Variants in PKD1L3 observed in about 807,000 individuals in gnomAD.
PKD1L3 encodes polycystin-1-like protein 3.
PKD1L3 carries 239 observed loss-of-function variants against 184.1 expected under a neutral mutation model. The ratio of observed to expected loss-of-function variants is 1.30; its 90% CI spans 1.17 to 1.45. The LOEUF is 1.45. Ranked by LOEUF, PKD1L3 falls within the 40% of genes most tolerant of loss-of-function variation. The pLI, the probability that PKD1L3 is intolerant of heterozygous loss-of-function variation, is 0.00. For missense variants in PKD1L3, 2,660 were observed against 2,067.2 expected, an observed-to-expected ratio of 1.29 and a Z score of -5.56; for synonymous variants, 996 against 778.8, an observed-to-expected ratio of 1.28 and a Z score of -4.64.
Position 71,949,676 on chromosome 16 carries a change from TG to T in PKD1L3, c.3618+106del. 7 of 1,056,468 alleles carry T rather than the reference TG, an allele frequency of 6.6e-6. No homozygotes were observed. In the South Asian group the frequency reaches 1.1e-4, roughly 17 times the overall value. 65.4% of individuals were successfully genotyped at this position (1,056,468 alleles called of 1,614,324 possible). A position where few individuals can be genotyped will look rare whatever the true frequency, so the allele number is the denominator to read the frequency against. The stretch of plus-strand genomic sequence containing the variant: ...CCTGGTTTGCCTATTTGTTTTTTGT[TG>T]TTTATGTTACATTGTCAAAACCACT... On this transcript the variant is annotated intron_variant, in intron 21 of 29. Transcript: ENST00000620267.
intron 12 of PKD1L3, among the ~76,000 whole-genome samples, chr16:71,972,615 T>G (rs1042379404): frequency 1.2e-4 from 18 of 149,640 alleles, no homozygotes; most frequent in African/African-American, 4.4e-4. Flanking sequence ...GCCCAGGAGG[T>G]TGAGGCTGCA....
At chr16:71,976,626 G>GA (rs926373098) in intron 11 of PKD1L3, among the ~76,000 whole-genome samples, 2 of 151,654 alleles carry the variant, frequency 1.3e-5, no homozygotes, top group African/African-American at 4.8e-5. Flanking sequence ...TTTTAAAAAA[G>GA]AAAAAAAAGT....
intron 2 of PKD1L3, among the ~76,000 whole-genome samples, chr16:71,995,644 G>A (rs1273106877): frequency 1.3e-5 from 2 of 152,174 alleles, no homozygotes; most frequent in East Asian, 3.8e-4. Context: ...CCCTCTTGAT[G>A]GGCATGTGGA....
chr16:71,956,795 G>T (rs2039066748), intron 16 of PKD1L3, among the ~76,000 whole-genome samples: 1 of 152,172 alleles, frequency 6.6e-6, no homozygotes, highest in Non-Finnish European at 1.5e-5. Flanking sequence ...TAAAAATGGT[G>T]AAGATGGTAA....
intron 28 of PKD1L3, among the ~76,000 whole-genome samples, 194 bp downstream of exon 28, chr16:71,933,226 G>A (rs1474931021): frequency 6.6e-6 from 1 of 152,142 alleles, no homozygotes; most frequent in East Asian, 1.9e-4. Flanking sequence ...TTAGGAAAGG[G>A]CAGGTTTCTG....
intron 25 of PKD1L3, 70 bp downstream of exon 25, chr16:71,937,222 A>G: frequency 6.8e-7 from 1 of 1,466,486 alleles, no homozygotes; most frequent in Non-Finnish European, 9.2e-7. Flanking sequence ...CACCTGGGTA[A>G]TTTTTGTAGT....
intron 15 of PKD1L3, among the ~76,000 whole-genome samples, chr16:71,963,798 A>G (rs1238979208): frequency 1.3e-5 from 2 of 152,074 alleles, no homozygotes; most frequent in Non-Finnish European, 2.9e-5. Flanking sequence ...ACAAAAAGAA[A>G]AGAGAGTAGA....
chr16:71,984,197 A>T (rs2040273631), intron 5 of PKD1L3, 30 bp from the exon 6 acceptor site: 3 of 1,547,064 alleles, frequency 1.9e-6, no homozygotes, highest in Non-Finnish European at 2.6e-6. Context: ...TGTCAAAATT[A>T]CTCATACAAA....
At chr16:71,965,769 G>T (rs1380787656) in intron 15 of PKD1L3, among the ~76,000 whole-genome samples, 1 of 152,010 alleles carries the variant, frequency 6.6e-6, no homozygotes, top group Non-Finnish European at 1.5e-5. Context: ...GGCCAGGCTG[G>T]TCTCAAACTC....
At position 71,932,452 on chromosome 16, in the gene PKD1L3, T is replaced by G. The variant is rs532830579; in HGVS notation, c.4926+968A>C. Among the ~76,000 whole-genome samples, 11 of 152,154 alleles carry G rather than the reference T, an allele frequency of 7.2e-5. No homozygotes were observed. The South Asian group carries it at 1.9e-3, about 26-fold the overall frequency. ...ACGCAGTTTCTCTTAGAACTGTACC[T>G]TCCTAATTCTTTGTCACTTCCATTA... On this transcript the variant is annotated intron_variant, in intron 28 of 29. Coordinates refer to ENST00000620267, the MANE Select transcript of PKD1L3 (RefSeq NM_181536.2).
chr16:71,936,711 T>TC lies in PKD1L3; in HGVS notation c.4452+580dup, dbSNP rs2038193145. On this transcript the variant is annotated intron_variant, in intron 25 of 29. Transcript: ENST00000620267. ...TATGTTGGCCAGGCTGGTCTCGAAC[T>TC]CCCTCAGGTAATCCGCCTGCCTCGG... Among the ~76,000 whole-genome samples, 4 of 152,140 alleles carry TC rather than the reference T, an allele frequency of 2.6e-5. No homozygotes were observed. In the South Asian group the frequency reaches 8.3e-4, roughly 32 times the overall value.
At chr16:71,976,929 G>A (rs541151144) in intron 11 of PKD1L3, among the ~76,000 whole-genome samples, 1 of 152,160 alleles carries the variant, frequency 6.6e-6, no homozygotes, top group Admixed American at 6.5e-5. Context: ...ATTTTTAGTA[G>A]AGACAGGGTT....
At chr16:71,955,631 A>G (rs1435642695) in intron 16 of PKD1L3, among the ~76,000 whole-genome samples, 1 of 151,880 alleles carries the variant, frequency 6.6e-6, no homozygotes, top group Non-Finnish European at 1.5e-5. Flanking sequence ...GGTGCACACC[A>G]CTACACCTAA....
In PKD1L3 at chr16:71,950,235, G is replaced by A. The variant is rs776383721; in HGVS notation, c.3266C>T (p.Thr1089Met). ...CTGGTGACCCTGGGTGAGACCCAGC[G>A]TGCCTAAGTGAGATTTCAGCCTCTG... The part of the protein sequence containing the change: ...VLQRLKSHLG[T>M]LGLTQGHQSC... Residue 1089 changes from threonine to methionine, a missense_variant, in exon 20 of 30, where the codon ACG becomes ATG. Transcript: ENST00000620267. 14 of 1,551,948 alleles carry A rather than the reference G, an allele frequency of 9.0e-6. No homozygotes were observed. Among genetic ancestry groups the A allele is most frequent in the African/African-American group, 1.4e-5 (1 of 73,022 alleles).
chr16:71,941,066 G>A (rs1411858117), intron 24 of PKD1L3, among the ~76,000 whole-genome samples: 5 of 151,886 alleles, frequency 3.3e-5, no homozygotes, highest in Non-Finnish European at 7.4e-5. Context: ...TCGAACTCCT[G>A]GGCTCAAGTG....
At chr16:71,973,559 C>G (rs761036114) in intron 11 of PKD1L3, 42 bp from the exon 12 acceptor site, 8 of 1,480,804 alleles carry the variant, frequency 5.4e-6, no homozygotes, top group South Asian at 3.7e-5. Flanking sequence ...TCAAATGGAA[C>G]AAAAACACCA....
chr16:71,980,197 A>G (rs2040096001), intron 7 of PKD1L3, 63 bp from the exon 8 acceptor site: 7 of 1,509,348 alleles, frequency 4.6e-6, no homozygotes, highest in Non-Finnish European at 6.3e-6. Flanking sequence ...TAGTAAAATA[A>G]TGTTTTGGAG....
At chr16:71,932,555 C>T (rs2038014349) in intron 28 of PKD1L3, among the ~76,000 whole-genome samples, 1 of 151,968 alleles carries the variant, frequency 6.6e-6, no homozygotes, top group South Asian at 2.1e-4. Context: ...CTCACTGCAA[C>T]CTCCGCCTGC....
At position 71,981,930 on chromosome 16, in the gene PKD1L3, G is replaced by A. The variant is rs886528403; in HGVS notation, c.1143+129C>T. 2.2e-5 allele frequency: 23 copies of A among 1,025,662 alleles called. No homozygotes were observed. The African/African-American group carries it at 2.3e-4, about 10-fold the overall frequency. 63.5% of individuals were successfully genotyped at this position (1,025,662 alleles called of 1,614,324 possible). On this transcript the variant is annotated intron_variant, in intron 7 of 29. Coordinates refer to ENST00000620267, the MANE Select transcript of PKD1L3 (RefSeq NM_181536.2). ...AGACCTTGGAGAAGGCATGGCAGAGGAGTTTCTTCTGCAGCAGAAACTTCA... is the reference window on the plus strand; with the variant it reads ...AGACCTTGGAGAAGGCATGGCAGAGAAGTTTCTTCTGCAGCAGAAACTTCA...
Sources: gnomAD v4.1 joint callset for allele counts (sites outside exome capture counted in the v4.1 genomes callset) on GRCh38, gnomAD v4.1.1 for gene constraint, MANE v1.5 for transcripts, NCBI Gene and HGNC (gene_info 2026-07-23, HGNC 2026-07-21) for gene names.